NFASC: variants seen among roughly 807,000 people sequenced by gnomAD.
The protein encoded by NFASC is neurofascin homolog.
In NFASC, 43 loss-of-function variants were observed where a neutral mutation model predicts 147.5. The ratio of observed to expected loss-of-function variants is 0.29; its 90% CI spans 0.23 to 0.38. The LOEUF is 0.38. Ranked by LOEUF, NFASC falls within the 10% of genes least tolerant of loss-of-function variation. The pLI, the probability that NFASC is intolerant of heterozygous loss-of-function variation, is 1.00. For synonymous variants in NFASC, 622 were observed against 665.5 expected, an observed-to-expected ratio of 0.93 and a Z score of 1.01; for missense variants, 1,320 against 1,689.0, an observed-to-expected ratio of 0.78 and a Z score of 3.83.
Position 204,870,336 on chromosome 1 carries a change from C to T in NFASC, c.-200+41554C>T, listed in dbSNP as rs538973770. Among the ~76,000 whole-genome samples the T allele has an allele frequency of 7.8e-4, 119 of 152,232 alleles. 1 individual carries two copies. Among genetic ancestry groups the T allele is most frequent in the Non-Finnish European group, 1.4e-3 (96 of 68,020 alleles). On this transcript the variant is annotated intron_variant, in intron 1 of 29. Transcript: ENST00000339876. ...AGTTGCGGAGAGCCATTGTTCTGTG[C>T]GGGAGCCATTGTCCTGTGTGGGGCC... is the stretch of plus-strand genomic sequence containing the variant.
chr1:204,839,867 G>A (rs943437247), intron 1 of NFASC, among the ~76,000 whole-genome samples: 4 of 152,330 alleles, frequency 2.6e-5, no homozygotes, highest in African/African-American at 7.2e-5. Flanking sequence ...GCAGGCCCAG[G>A]TGCAGCTCTG....
chr1:205,009,786 A>C, intron 28 of NFASC, 98 bp downstream of exon 28: 2 of 1,289,164 alleles, frequency 1.6e-6, no homozygotes, highest in Non-Finnish European at 2.2e-6. Context: ...GTGTTCTCTC[A>C]GTGAAGCCAG....
Position 204,968,648 on chromosome 1 carries a change from T to C in NFASC, c.819-150T>C. 1 of 703,560 alleles carries C rather than the reference T, an allele frequency of 1.4e-6. No individual in the cohort carries two copies. The highest frequency in any genetic ancestry group is 1.9e-5 in the South Asian group (1 of 51,690). 43.6% of individuals were successfully genotyped at this position (703,560 alleles called of 1,614,324 possible). ...TCAGGCTCTCTGTGGCTGAGCATCC[T>C]CCTCTGCACAGGAAAGATCAGCTTT... On this transcript the variant is annotated intron_variant, in intron 9 of 29. Coordinates refer to ENST00000339876, the MANE Select transcript of NFASC (RefSeq NM_001005388.3). This position sits in a 1 kb window ranked among gnomAD's most constrained non-coding sequence, Gnocchi z 5.4.
At chr1:204,842,970 G>A (rs1042502500) in intron 1 of NFASC, among the ~76,000 whole-genome samples, 17 of 152,224 alleles carry the variant, frequency 1.1e-4, no homozygotes, top group African/African-American at 3.4e-4. Flanking sequence ...CTCCTGGAAG[G>A]CTGATGTGGG....
chr1:204,906,814 G>A (rs1329323728), intron 1 of NFASC, among the ~76,000 whole-genome samples: 2 of 151,608 alleles, frequency 1.3e-5, no homozygotes, highest in Non-Finnish European at 2.9e-5. Flanking sequence ...TCCCCGAGTA[G>A]CTGGGACTAC....
chr1:204,933,066 G>A (rs2092508949), intron 2 of NFASC, among the ~76,000 whole-genome samples: 1 of 152,198 alleles, frequency 6.6e-6, no homozygotes, highest in Admixed American at 6.5e-5. Context: ...ACCTGCAGGA[G>A]CCTGATCTCC....
intron 1 of NFASC, among the ~76,000 whole-genome samples, chr1:204,862,230 GA>G (rs953166547): frequency 2.6e-5 from 4 of 151,856 alleles, no homozygotes; most frequent in Non-Finnish European, 1.5e-5. Context: ...TTCAACTTAA[GA>G]AAAAAAATTA....
Position 204,968,927 on chromosome 1 carries a change from C to T in NFASC, c.948C>T (p.Cys316=), listed in dbSNP as rs1466565503. The T allele has an allele frequency of 6.2e-7, 1 of 1,613,942 alleles. No individual in the cohort carries two copies. The highest frequency in any genetic ancestry group is 1.1e-5 in the South Asian group (1 of 91,062). The change falls in exon 10 of 30, where the codon TGC becomes TGT. Residue 316 remains cysteine (C), a synonymous_variant. Transcript: ENST00000339876. The surrounding 1 kb of genome is among the most constrained non-coding windows in gnomAD (Gnocchi z 5.4). The part of the protein sequence containing the change: ...VSEEDSGEYF[C]LASNKMGSIR... Reference sequence around the variant, plus strand: ...AGGAAGACTCCGGGGAGTATTTCTGCCTGGCCTCCAACAAGATGGGCAGCA... The same window carrying T: ...AGGAAGACTCCGGGGAGTATTTCTGTCTGGCCTCCAACAAGATGGGCAGCA...
At chr1:204,941,834 G>A (rs2093380710) in intron 2 of NFASC, among the ~76,000 whole-genome samples, 1 of 152,158 alleles carries the variant, frequency 6.6e-6, no homozygotes, top group Non-Finnish European at 1.5e-5. Flanking sequence ...CACCGTCTGT[G>A]TAGGGGCGGA....
Position 205,012,881 on chromosome 1 carries a change from T to A in NFASC, c.3491+15T>A, listed in dbSNP as rs1451535630. On this transcript the variant is annotated intron_variant, in intron 29 of 29. Transcript: ENST00000339876. The stretch of plus-strand genomic sequence containing the variant: ...TTTGACTATAGGTGCGTGATCTCCC[T>A]CCTCCTCTCTCAGGCAGGCTGTCCT... 5.0e-6 allele frequency: 8 copies of A among 1,593,512 alleles called. No homozygotes were observed. The highest frequency in any genetic ancestry group is 3.3e-5 in the Admixed American group (2 of 59,960).
chr1:204,893,139 G>T (rs1319436188), intron 1 of NFASC, among the ~76,000 whole-genome samples: 1 of 152,224 alleles, frequency 6.6e-6, no homozygotes, highest in Non-Finnish European at 1.5e-5. Flanking sequence ...AGAGGGAGAA[G>T]AAGCTGCTTT....
In NFASC at chr1:204,970,609, C is replaced by G; in HGVS notation, c.1004-7C>G. 2 of 1,613,732 alleles carry G rather than the reference C, an allele frequency of 1.2e-6. No individual in the cohort carries two copies. The highest frequency in any genetic ancestry group is 1.7e-6 in the Non-Finnish European group (2 of 1,180,038). ...ACTCCCCTGCCTGTGTCTGTCTTGTCTTCCAGCTGCTCCCTACTGGCTGGA... is the reference window on the plus strand; with the variant it reads ...ACTCCCCTGCCTGTGTCTGTCTTGTGTTCCAGCTGCTCCCTACTGGCTGGA... On this transcript the variant is annotated splice_polypyrimidine_tract_variant and splice_region_variant and intron_variant, in intron 10 of 29. Transcript: ENST00000339876.
intron 22 of NFASC, 125 bp from the exon 23 acceptor site, chr1:204,988,508 C>G (rs747667579): frequency 7.3e-6 from 6 of 823,874 alleles, no homozygotes; most frequent in Non-Finnish European, 1.2e-5. Flanking sequence ...TTAAGATCAC[C>G]AGGCAGGTGC....
chr1:204,997,123 G>T, intron 24 of NFASC, 47 bp from the exon 25 acceptor site: 1 of 1,575,794 alleles, frequency 6.3e-7, no homozygotes. Context: ...TCCAGGCTGG[G>T]CACAGCCAAA....
At position 204,986,240 on chromosome 1, in the gene NFASC, C is replaced by G; in HGVS notation, c.2471-1178C>G. On this transcript the variant is annotated intron_variant, in intron 21 of 29. Coordinates refer to ENST00000339876, the MANE Select transcript of NFASC (RefSeq NM_001005388.3). The surrounding 1 kb of genome is among the most constrained non-coding windows in gnomAD (Gnocchi z 4.2). Reference sequence around the variant, plus strand: ...GTGACTTCTGCGAGGCCTCCAGGAGCGGATGACCTGCAAGCCGAGCCACTA... The same window carrying G: ...GTGACTTCTGCGAGGCCTCCAGGAGGGGATGACCTGCAAGCCGAGCCACTA... 2 of 683,532 alleles carry G rather than the reference C, an allele frequency of 2.9e-6. No individual in the cohort carries two copies. Among genetic ancestry groups the G allele is most frequent in the South Asian group, 3.5e-5 (2 of 56,502 alleles). The allele number at this position is 683,532 out of a possible 1,614,324, so 42.3% of individuals were successfully genotyped here. A position where few individuals can be genotyped will look rare whatever the true frequency, so the allele number is the denominator to read the frequency against.
intron 1 of NFASC, chr1:204,870,597 CCCTCAGGAGCACAG>C (rs2077529687): frequency 1.1e-6 from 1 of 905,284 alleles, no homozygotes; most frequent in African/African-American, 1.8e-5. Context: ...TCTGTCTATC[CCCTCAGGAGCACAG>C]CCTGGCTTGT....
chr1:204,957,341 C>T (rs1251015462), intron 7 of NFASC, among the ~76,000 whole-genome samples: 2 of 152,124 alleles, frequency 1.3e-5, no homozygotes, highest in Non-Finnish European at 2.9e-5. Flanking sequence ...GTCCCACAGC[C>T]GGTGAGATCT....
intron 29 of NFASC, among the ~76,000 whole-genome samples, chr1:205,014,363 TAA>T (rs2096307712): frequency 2.6e-5 from 4 of 152,178 alleles, no homozygotes; most frequent in African/African-American, 7.2e-5. Context: ...TGGATGAGTC[TAA>T]GAGCCCTAAC....
intron 1 of NFASC, among the ~76,000 whole-genome samples, chr1:204,900,582 A>G (rs2084342724): frequency 6.6e-6 from 1 of 152,222 alleles, no homozygotes; most frequent in Non-Finnish European, 1.5e-5. Context: ...TTTATGGGAA[A>G]AGACAGATAA....
Sources: gnomAD v4.1 joint callset for allele counts (sites outside exome capture counted in the v4.1 genomes callset) on GRCh38, gnomAD v4.1.1 for gene constraint, Gnocchi (gnomAD v3.1) non-coding constraint, MANE v1.5 for transcripts, NCBI Gene and HGNC (gene_info 2026-07-23, HGNC 2026-07-21) for gene names.